Variants in EIF3B observed in about 807,000 individuals in gnomAD.
EIF3B encodes the protein eukaryotic translation initiation factor 3 subunit B.
EIF3B carries 10 observed loss-of-function variants against 104.6 expected under a neutral mutation model. The observed-to-expected ratio is 0.10, with a 90% CI of 0.06 to 0.16. EIF3B has a LOEUF of 0.16. EIF3B is among the 10% of genes least tolerant of loss of function. The pLI, the probability that EIF3B is intolerant of heterozygous loss-of-function variation, is 1.00. For missense variants in EIF3B, 1,014 were observed against 1,087.9 expected (o/e 0.93, Z 0.96); for synonymous variants, 542 against 417.2 (o/e 1.30, Z -3.65).
intron 13 of EIF3B, 34 bp from the exon 14 acceptor site, chr7:2,375,355 C>G (rs374792017): frequency 9.3e-6 from 15 of 1,612,238 alleles, no homozygotes; most frequent in African/African-American, 1.3e-5. Flanking sequence ...GTATGCGTCT[C>G]CATGAAGCCT....
intron 2 of EIF3B, among the ~76,000 whole-genome samples, chr7:2,361,466 C>T (rs1391326827): frequency 1.3e-5 from 2 of 152,154 alleles, no homozygotes; most frequent in Non-Finnish European, 2.9e-5. Context: ...GTCGCCCAGG[C>T]TGGAGTGCAG....
intron 8 of EIF3B, 148 bp from the exon 9 acceptor site, chr7:2,366,851 G>T: frequency 1.1e-6 from 1 of 887,186 alleles, no homozygotes; most frequent in Non-Finnish European, 1.8e-6. Context: ...GTGGCGGGTG[G>T]GTGGATGGGT....
intron 8 of EIF3B, 84 bp from the exon 9 acceptor site, chr7:2,366,913 CTT>C (rs779492155): frequency 4.9e-6 from 7 of 1,425,986 alleles, no homozygotes; most frequent in South Asian, 4.7e-5. Context: ...ACATCAGACT[CTT>C]GTTTCCTTTT....
chr7:2,378,285 C>G lies in EIF3B; in HGVS notation c.2155-404C>G, dbSNP rs56004024. On this transcript the variant is annotated intron_variant, in intron 15 of 18. Transcript: ENST00000360876. ...GATGCTGTGTTGTGTGAATGACCCT[C>G]GGTGTCATGGAGGAAGGAACAGGCG... is the stretch of plus-strand genomic sequence containing the variant. The G allele has an allele frequency of 1.8e-3, 341 of 191,240 alleles. 2 individuals are homozygous for G. Among genetic ancestry groups the G allele is most frequent in the African/African-American group, 6.6e-3 (207 of 31,250 alleles). The allele number at this position is 191,240 out of a possible 1,614,324, so 11.8% of individuals were successfully genotyped here.
chr7:2,363,469 T>C (rs1009823408), intron 4 of EIF3B, among the ~76,000 whole-genome samples, 163 bp from the exon 5 acceptor site: 5 of 151,588 alleles, frequency 3.3e-5, no homozygotes, highest in African/African-American at 1.2e-4. Flanking sequence ...TGACTCTGTC[T>C]CAAAAAAAAA....
intron 14 of EIF3B, chr7:2,376,055 A>G (rs1376343113): frequency 6.4e-6 from 1 of 156,146 alleles, no homozygotes; most frequent in Non-Finnish European, 1.4e-5. Context: ...TTAATGAGAT[A>G]CAGAATTTGT....
intron 16 of EIF3B, 150 bp from the exon 17 acceptor site, chr7:2,378,983 TG>T: frequency 1.3e-6 from 1 of 776,194 alleles, no homozygotes; most frequent in Non-Finnish European, 2.1e-6. Context: ...GGGGCAGCGT[TG>T]GGGGAAAAGT....
intron 14 of EIF3B, chr7:2,376,569 A>C (rs542131608): frequency 5.6e-5 from 10 of 179,714 alleles, no homozygotes; most frequent in African/African-American, 2.4e-4. Flanking sequence ...CCCAGGGCTC[A>C]GCAGTGAGTA....
At chr7:2,363,207 C>CT in intron 4 of EIF3B, 80 bp downstream of exon 4, 1 of 1,392,540 alleles carries the variant, frequency 7.2e-7, no homozygotes, top group South Asian at 1.2e-5. Context: ...AATCCCAGCA[C>CT]TTAGGGAGGC....
At chr7:2,362,564 C>A (rs998403355) in intron 2 of EIF3B, 81 bp from the exon 3 acceptor site, 20 of 1,566,020 alleles carry the variant, frequency 1.3e-5, no homozygotes, top group Non-Finnish European at 1.7e-5. Context: ...AGGGCTTGTC[C>A]GTGGAGAGGG....
chr7:2,365,631 G>A (rs1320162762), intron 6 of EIF3B, among the ~76,000 whole-genome samples: 1 of 151,458 alleles, frequency 6.6e-6, no homozygotes, highest in Non-Finnish European at 1.5e-5. Flanking sequence ...GCTGGCTTTC[G>A]AACTGGATGG....
rs572125909 is a variant in EIF3B, at chr7:2,379,846, C to T, written c.*14+335C>T. On this transcript the variant is annotated intron_variant, in intron 18 of 18. Transcript: ENST00000360876. Reference sequence around the variant, plus strand: ...GCTAGTGACGGCCGCGGTGTGTCCACTGGAAAGAAACACTGGCGTGCACGG... The same window carrying T: ...GCTAGTGACGGCCGCGGTGTGTCCATTGGAAAGAAACACTGGCGTGCACGG... The T allele has an allele frequency of 6.1e-4, 196 of 323,052 alleles. 1 individual carries two copies. Among genetic ancestry groups the T allele is most frequent in the South Asian group, 5.4e-3 (184 of 34,244 alleles). 20.0% of individuals were successfully genotyped at this position (323,052 alleles called of 1,614,324 possible).
Position 2,379,249 on chromosome 7 carries a change from T to C in EIF3B, c.2341+7T>C, listed in dbSNP as rs565015654. The C allele has an allele frequency of 5.6e-6, 9 of 1,608,256 alleles. No individual in the cohort carries two copies. In the East Asian group the frequency reaches 2.0e-4, roughly 36 times the overall value. On this transcript the variant is annotated splice_region_variant and intron_variant, in intron 17 of 18. Coordinates refer to ENST00000360876, the MANE Select transcript of EIF3B (RefSeq NM_001037283.2). Reference sequence around the variant, plus strand: ...CGCCTGGAGTTGCGAGGAGGTAACTTAGAGATCCCTCAGTCCCCAGGAGCT... The same window carrying C: ...CGCCTGGAGTTGCGAGGAGGTAACTCAGAGATCCCTCAGTCCCCAGGAGCT...
In EIF3B at chr7:2,360,726, A is replaced by G; in HGVS notation, c.516A>G (p.Val172=). 1 of 1,589,852 alleles carries G rather than the reference A, an allele frequency of 6.3e-7. No homozygotes were observed. Among genetic ancestry groups the G allele is most frequent in the Non-Finnish European group, 8.6e-7 (1 of 1,161,354 alleles). ...CTTGTTCAGAATTACTGGGAGATGT[A>G]CTCAAAGATCGGCCCCAGGAAGCAG... ...DVSEEELLGD[V]LKDRPQEADG... Residue 172 remains valine, a synonymous_variant, in exon 2 of 19, where the codon GTA becomes GTG. Transcript: ENST00000360876.
chr7:2,371,872 T>C, intron 11 of EIF3B, 23 bp downstream of exon 11: 1 of 1,587,832 alleles, frequency 6.3e-7, no homozygotes. Flanking sequence ...TTAGTCACTT[T>C]GAGGCGAATG....
rs200969617 is a variant in EIF3B at position 2,362,693 on chromosome 7, G to A, written c.741G>A (p.Val247=). 335 of 1,614,246 alleles carry A rather than the reference G, an allele frequency of 2.1e-4. 1 individual carries two copies. The highest frequency in any genetic ancestry group is 2.6e-5 in the Non-Finnish European group (31 of 1,180,046). The change falls in exon 3 of 19, where the codon GTG becomes GTA. Residue 247 remains valine (V), a synonymous_variant. Transcript: ENST00000360876. The part of the protein sequence containing the change: ...YASPAHAVDA[V]KNADGYKLDK... ...CCCCTGCCCACGCTGTGGATGCTGT[G>A]AAGAACGCCGACGGCTACAAGCTTG...
Position 2,354,841 on chromosome 7 carries a change from G to A in EIF3B, c.-81G>A, listed in dbSNP as rs947072264. 3 of 1,047,480 alleles carry A rather than the reference G, an allele frequency of 2.9e-6. No individual in the cohort carries two copies. The highest frequency in any genetic ancestry group is 5.6e-5 in the Admixed American group (1 of 17,896). 64.9% of individuals were successfully genotyped at this position (1,047,480 alleles called of 1,614,324 possible). On this transcript the variant is annotated 5_prime_UTR_variant, in exon 1 of 19. An upstream open reading frame in the 5' UTR loses its in-frame stop. Transcript: ENST00000360876. ...GTCGCACGCACATGGCTGGGCTGTA[G>A]CCGTCGCGGCGCGCGGTGCGGCCTG...
In EIF3B at chr7:2,379,192, C is replaced by T. The variant is rs202106605; in HGVS notation, c.2291C>T (p.Ala764Val). The change falls in exon 17 of 19, where the codon GCC (alanine) becomes GTC (valine). Residue 764 changes from alanine to valine, a missense_variant. Transcript: ENST00000360876. ...GATTTCCGGAAGTACCGGAAAATGG[C>T]CCAGGAGCTCTATATGGAGCAGAAA... ...MEDFRKYRKM[A>V]QELYMEQKNE... 11 of 1,613,732 alleles carry T rather than the reference C, an allele frequency of 6.8e-6. No individual in the cohort carries two copies. The highest frequency in any genetic ancestry group is 8.5e-6 in the Non-Finnish European group (10 of 1,179,954).
At chr7:2,372,832 C>CA in intron 12 of EIF3B, 37 bp downstream of exon 12, 1 of 1,604,972 alleles carries the variant, frequency 6.2e-7, no homozygotes, top group Non-Finnish European at 8.5e-7. Context: ...CTGAGTAGGT[C>CA]AGCACAGATG....
Sources: allele counts gnomAD v4.1 joint callset (sites outside exome capture counted in the v4.1 genomes callset), GRCh38; gene constraint gnomAD v4.1.1; transcripts MANE v1.5; gene names NCBI Gene and HGNC (gene_info 2026-07-23, HGNC 2026-07-21).